Variants in IQGAP1 observed in about 807,000 individuals in gnomAD.
IQGAP1 encodes the protein ras GTPase-activating-like protein IQGAP1.
Under a neutral mutation model 215.6 loss-of-function variants are expected in IQGAP1, and 66 were observed. The observed-to-expected ratio is 0.31, with a 90% CI of 0.25 to 0.38. IQGAP1 has a LOEUF of 0.38. Among genes scored for constraint, IQGAP1 ranks in the 10% least tolerant of loss-of-function variants. The pLI is 1.00. For synonymous variants in IQGAP1, 772 were observed against 728.7 expected, an observed-to-expected ratio of 1.06 and a Z score of -0.96; for missense variants, 1,712 against 1,997.1, an observed-to-expected ratio of 0.86 and a Z score of 2.72.
At chr15:90,422,635 T>C (rs933117717) in intron 2 of IQGAP1, among the ~76,000 whole-genome samples, 3 of 53,826 alleles carry the variant, frequency 5.6e-5, no homozygotes, top group African/African-American at 2.2e-4. Context: ...TGTATATATA[T>C]ATATGTATAT....
intron 4 of IQGAP1, 68 bp from the exon 5 acceptor site, chr15:90,433,651 A>G (rs1965332228): frequency 1.8e-5 from 17 of 941,770 alleles, no homozygotes; most frequent in Middle Eastern, 4.3e-4. Context: ...TGGATTATTG[A>G]TGATTGGTGA....
In IQGAP1 at chr15:90,483,606, G is replaced by T; in HGVS notation, c.3788+13G>T. The stretch of plus-strand genomic sequence containing the variant: ...ACCAGAAATTCAGGTAAGGGGAAAG[G>T]CACAAGTGCTTAAGAGAGTCTGTGG... On this transcript the variant is annotated intron_variant, in intron 29 of 37. Coordinates refer to ENST00000268182, the MANE Select transcript of IQGAP1 (RefSeq NM_003870.4). The T allele has an allele frequency of 1.3e-6, 2 of 1,551,222 alleles. No individual in the cohort carries two copies. The highest frequency in any genetic ancestry group is 1.8e-6 in the Non-Finnish European group (2 of 1,128,180).
At chr15:90,489,976 A>G (rs1966180820) in intron 33 of IQGAP1, among the ~76,000 whole-genome samples, 1 of 152,232 alleles carries the variant, frequency 6.6e-6, no homozygotes, top group Non-Finnish European at 1.5e-5. Flanking sequence ...GCTTGCAGTG[A>G]CAGAACCGGA....
At chr15:90,449,749 C>T in intron 11 of IQGAP1, 106 bp downstream of exon 11, 2 of 828,570 alleles carry the variant, frequency 2.4e-6, no homozygotes, top group Non-Finnish European at 3.7e-6. Flanking sequence ...AGCCTACTAG[C>T]CATAACCAAC....
Position 90,474,500 on chromosome 15 carries a change from C to G in IQGAP1, c.2591C>G (p.Pro864Arg). 6.2e-7 allele frequency: 1 copy of G among 1,613,850 alleles called. No homozygotes were observed. Among genetic ancestry groups the G allele is most frequent in the Non-Finnish European group, 8.5e-7 (1 of 1,179,722 alleles). ...TTTCTGTCAGTCAATGCTGAGGATCCTCCTATGGTTGTGGTCCGAAAATTT... is the reference window on the plus strand; with the variant it reads ...TTTCTGTCAGTCAATGCTGAGGATCGTCCTATGGTTGTGGTCCGAAAATTT... The part of the protein sequence containing the change: ...DYKTLINAED[P>R]PMVVVRKFVH... The change falls in exon 23 of 38, where the codon CCT (proline) becomes CGT (arginine). Residue 864 changes from proline (P) to arginine (R), a missense_variant. By Grantham distance (103) the Pro-to-Arg change is moderately radical. Coordinates refer to ENST00000268182, the MANE Select transcript of IQGAP1 (RefSeq NM_003870.4).
chr15:90,454,735 A>G (rs893863643), intron 14 of IQGAP1, among the ~76,000 whole-genome samples, 183 bp downstream of exon 14: 1 of 152,236 alleles, frequency 6.6e-6, no homozygotes, highest in African/African-American at 2.4e-5. Flanking sequence ...ATAATTAGGT[A>G]TATGTCCAGT....
intron 2 of IQGAP1, among the ~76,000 whole-genome samples, chr15:90,404,526 T>C (rs1182130947): frequency 1.3e-5 from 2 of 152,224 alleles, no homozygotes; most frequent in Admixed American, 1.3e-4. Flanking sequence ...TTCATTGTGG[T>C]AAGAGCTCTT....
chr15:90,483,649 AG>A, intron 29 of IQGAP1, 56 bp downstream of exon 29: 1 of 1,290,566 alleles, frequency 7.7e-7, no homozygotes, highest in Non-Finnish European at 1.1e-6. Context: ...TTTATTGTTG[AG>A]GGGAAAAATA....
At position 90,414,382 on chromosome 15, in the gene IQGAP1, C is replaced by T. The variant is rs139332118; in HGVS notation, c.156-11728C>T. ...AAAAAGAAGCCTACATTTGCTGCCT[C>T]TCCTTCCTACTTTTAGTTACTTTTC... On this transcript the variant is annotated intron_variant, in intron 2 of 37. Transcript: ENST00000268182. Among the ~76,000 whole-genome samples the T allele has an allele frequency of 4.3e-3, 659 of 152,184 alleles. 3 individuals carry two copies. Among genetic ancestry groups the T allele is most frequent in the Middle Eastern group, 0.014 (4 of 294 alleles).
chr15:90,460,999 TAAAAAAAAAAAAA>T (rs36022965), intron 15 of IQGAP1, among the ~76,000 whole-genome samples: 1 of 88,748 alleles, frequency 1.1e-5, no homozygotes, highest in South Asian at 4.3e-4. Context: ...ACCCTGTCTT[TAAAAAAAAAAAAA>T]AAAAAAAAAA....
intron 3 of IQGAP1, among the ~76,000 whole-genome samples, chr15:90,427,757 A>T (rs1965245741): frequency 6.6e-6 from 1 of 151,966 alleles, no homozygotes; most frequent in Non-Finnish European, 1.5e-5. Flanking sequence ...AAAAATGGGG[A>T]TGTTGACAAG....
At chr15:90,477,523 G>C in intron 25 of IQGAP1, 142 bp from the exon 26 acceptor site, 2 of 674,030 alleles carry the variant, frequency 3.0e-6, no homozygotes, top group East Asian at 5.4e-5. Flanking sequence ...ACGATTGAGC[G>C]TGCAGCTGCA....
chr15:90,406,586 ATC>A (rs1203283178), intron 2 of IQGAP1, among the ~76,000 whole-genome samples: 1 of 152,266 alleles, frequency 6.6e-6, no homozygotes, highest in Non-Finnish European at 1.5e-5. Context: ...TACGAATCGT[ATC>A]TCAGCAAAAA....
intron 33 of IQGAP1, among the ~76,000 whole-genome samples, chr15:90,488,210 G>T (rs894078255): frequency 3.8e-4 from 55 of 144,736 alleles, no homozygotes; most frequent in African/African-American, 1.5e-3. Flanking sequence ...GACAGAGCGA[G>T]ACTCCGTCTC....
intron 9 of IQGAP1, among the ~76,000 whole-genome samples, chr15:90,444,074 A>AAT (rs1243023109): frequency 1.3e-5 from 2 of 151,428 alleles, no homozygotes; most frequent in East Asian, 1.9e-4. Flanking sequence ...AAAAAAAAAA[A>AAT]TATTTTTCTA....
chr15:90,494,935 T>G lies in IQGAP1; in HGVS notation c.4751+100T>G, dbSNP rs956931879. 1.2e-5 allele frequency: 9 copies of G among 776,236 alleles called. No homozygotes were observed. The South Asian group carries it at 1.5e-4, about 13-fold the overall frequency. 48.1% of individuals were successfully genotyped at this position (776,236 alleles called of 1,614,324 possible). A position where few individuals can be genotyped will look rare whatever the true frequency, so the allele number is the denominator to read the frequency against. On this transcript the variant is annotated intron_variant, in intron 36 of 37. Transcript: ENST00000268182. ...TTTCTCTTTTCTGGATGGTTACTTT[T>G]AGTATTTTTTATGTATTTATATATT...
chr15:90,476,734 T>C lies in IQGAP1; in HGVS notation c.2856T>C (p.Asn952=). The C allele has an allele frequency of 5.0e-6, 8 of 1,606,916 alleles. No homozygotes were observed. Among genetic ancestry groups the C allele is most frequent in the Non-Finnish European group, 6.8e-6 (8 of 1,178,206 alleles). ...KEQLSDMMMI[N]KQKGGLKALS... ...AGTTGTCTGATATGATGATGATAAA[T>C]AAACAGAAGGGAGGTCTCAAGGCTT... The change falls in exon 24 of 38, where the codon AAT becomes AAC. Residue 952 remains asparagine, a synonymous_variant. Transcript: ENST00000268182.
Position 90,477,774 on chromosome 15 carries a change from T to G in IQGAP1, c.3214T>G (p.Leu1072Val). 6.2e-7 allele frequency: 1 copy of G among 1,613,700 alleles called. No homozygotes were observed. The highest frequency in any genetic ancestry group is 1.1e-5 in the South Asian group (1 of 91,068). Residue 1072 changes from leucine to valine, a missense_variant, in exon 26 of 38, where the codon TTG (leucine) becomes GTG (valine). Physicochemically the swap from Leu to Val is conservative, Grantham distance 32 (BLOSUM62 1). Transcript: ENST00000268182. ...ARGQNALRQI[L>V]APVVKEIMDD... ...TGGCCAGAATGCCCTGAGACAGATC[T>G]TGGCCCCAGTCGTGAAGGAAATTAT...
chr15:90,429,258 C>G (rs1219190614), intron 3 of IQGAP1, among the ~76,000 whole-genome samples: 1 of 152,210 alleles, frequency 6.6e-6, no homozygotes, highest in African/African-American at 2.4e-5. Flanking sequence ...AGCAGCTGTT[C>G]TAGATGGTAA....
Sources: allele counts gnomAD v4.1 joint callset (sites outside exome capture counted in the v4.1 genomes callset), GRCh38; gene constraint gnomAD v4.1.1; transcripts MANE v1.5; gene names NCBI Gene and HGNC (gene_info 2026-07-23, HGNC 2026-07-21).